The following GPR39 variants were observed in gnomAD, a reference collection of about 807,000 sequenced individuals.
GPR39 encodes G protein-coupled receptor 39.
GPR39 carries 23 observed loss-of-function variants against 18.4 expected under a neutral mutation model. The ratio of observed to expected loss-of-function variants is 1.25; its 90% CI spans 0.90 to 1.77. The LOEUF is 1.77. Among genes scored for constraint, GPR39 ranks in the 40% most tolerant of loss-of-function variants. The pLI is 0.00. For synonymous variants in GPR39, 280 were observed against 257.9 expected (o/e 1.09, Z -0.82); for missense variants, 647 against 602.4 (o/e 1.07, Z -0.78).
At chr2:132,636,625 G>A (rs917615155) in intron 1 of GPR39, among the ~76,000 whole-genome samples, 1 of 152,178 alleles carries the variant, frequency 6.6e-6, no homozygotes, top group Non-Finnish European at 1.5e-5. Flanking sequence ...GTAAATTTGG[G>A]CACCTCCTTC....
At chr2:132,464,593 C>T (rs1680892255) in intron 1 of GPR39, among the ~76,000 whole-genome samples, 2 of 152,196 alleles carry the variant, frequency 1.3e-5, no homozygotes, top group African/African-American at 2.4e-5. Context: ...ACATCTCACT[C>T]ATGCTGCTGC....
intron 1 of GPR39, among the ~76,000 whole-genome samples, chr2:132,611,477 A>G (rs951071023): frequency 6.6e-6 from 1 of 152,256 alleles, no homozygotes; most frequent in African/African-American, 2.4e-5. Flanking sequence ...GCGAGAAATC[A>G]GTAAGCTCCA....
At chr2:132,462,237 T>C (rs1301246258) in intron 1 of GPR39, among the ~76,000 whole-genome samples, 1 of 152,168 alleles carries the variant, frequency 6.6e-6, no homozygotes, top group Non-Finnish European at 1.5e-5. Context: ...AAGGTTGCAC[T>C]CAGGAACAGA....
intron 1 of GPR39, among the ~76,000 whole-genome samples, chr2:132,519,152 C>T (rs1463197749): frequency 6.6e-6 from 1 of 152,230 alleles, no homozygotes; most frequent in African/African-American, 2.4e-5. Context: ...TTTACAGTCT[C>T]TGTGAATTGG....
intron 1 of GPR39, among the ~76,000 whole-genome samples, chr2:132,556,790 A>G (rs531455748): frequency 6.6e-6 from 1 of 152,086 alleles, no homozygotes; most frequent in South Asian, 2.1e-4. Flanking sequence ...ATTAAGCACA[A>G]CCTCATAGAC....
At position 132,555,076 on chromosome 2, in the gene GPR39, C is replaced by T. The variant is rs185637513; in HGVS notation, c.857-90025C>T. Among the ~76,000 whole-genome samples, 61 of 152,098 alleles carry T rather than the reference C, an allele frequency of 4.0e-4. 1 individual carries two copies. The South Asian group carries it at 7.1e-3, about 18-fold the overall frequency. On this transcript the variant is annotated intron_variant, in intron 1 of 1. Coordinates refer to ENST00000329321, the MANE Select transcript of GPR39 (RefSeq NM_001508.3). ...AAGCGATTCTCCTGCCTCAGCCTCC[C>T]GAGTAGCTGGGACTACAGGTGCGTG...
chr2:132,426,495 C>G (rs1164997867), intron 1 of GPR39, among the ~76,000 whole-genome samples: 1 of 152,236 alleles, frequency 6.6e-6, no homozygotes, highest in Admixed American at 6.5e-5. Context: ...AGCTCTGCTG[C>G]TTTCCAGAGT....
Position 132,645,763 on chromosome 2 carries a change from T to C in GPR39, c.*157T>C. ...GCCCACCTCAGTGACTTCTAAGGAC[T>C]GACTCTGCCAGCCTGGCCTTGACTC... On this transcript the variant is annotated 3_prime_UTR_variant, in exon 2 of 2. Coordinates refer to ENST00000329321, the MANE Select transcript of GPR39 (RefSeq NM_001508.3). 9.4e-7 allele frequency: 1 copy of C among 1,065,978 alleles called. No homozygotes were observed. Among genetic ancestry groups the C allele is most frequent in the South Asian group, 1.7e-5 (1 of 59,230 alleles). The allele number at this position is 1,065,978 out of a possible 1,614,324, so 66.0% of individuals were successfully genotyped here. A position where few individuals can be genotyped will look rare whatever the true frequency, so the allele number is the denominator to read the frequency against.
chr2:132,544,084 A>G (rs1276079617), intron 1 of GPR39, among the ~76,000 whole-genome samples: 1 of 152,212 alleles, frequency 6.6e-6, no homozygotes, highest in African/African-American at 2.4e-5. Flanking sequence ...ATTAAGTGAT[A>G]GTGGTCAGCA....
chr2:132,500,910 G>C (rs1573634258), intron 1 of GPR39, among the ~76,000 whole-genome samples: 1 of 151,938 alleles, frequency 6.6e-6, no homozygotes, highest in Non-Finnish European at 1.5e-5. Context: ...TATTTCTGTG[G>C]TATCAGTTGT....
intron 1 of GPR39, among the ~76,000 whole-genome samples, chr2:132,509,027 G>A (rs540116030): frequency 6.6e-6 from 1 of 152,336 alleles, no homozygotes; most frequent in African/African-American, 2.4e-5. Flanking sequence ...AGGCCAGGCT[G>A]TGCTGAAGGG....
chr2:132,636,214 C>T (rs1436588091), intron 1 of GPR39, among the ~76,000 whole-genome samples: 1 of 152,186 alleles, frequency 6.6e-6, no homozygotes, highest in East Asian at 1.9e-4. Context: ...TCCTAGCTCA[C>T]ACCTCATTCT....
intron 1 of GPR39, among the ~76,000 whole-genome samples, chr2:132,461,790 T>G (rs1680837148): frequency 6.6e-6 from 1 of 152,232 alleles, no homozygotes; most frequent in African/African-American, 2.4e-5. Context: ...TCAAGCACCT[T>G]GTGCCCAGGC....
intron 1 of GPR39, among the ~76,000 whole-genome samples, chr2:132,541,932 G>C (rs1162723986): frequency 6.6e-6 from 1 of 152,176 alleles, no homozygotes; most frequent in African/African-American, 2.4e-5. Flanking sequence ...AGCAGGTTTG[G>C]TGTCTGCTGA....
chr2:132,610,024 T>C (rs1429989030), intron 1 of GPR39, among the ~76,000 whole-genome samples: 2 of 152,002 alleles, frequency 1.3e-5, no homozygotes, highest in African/African-American at 2.4e-5. Flanking sequence ...GTTTAGACAT[T>C]CCTTACCTGG....
At chr2:132,534,954 C>T (rs914911946) in intron 1 of GPR39, among the ~76,000 whole-genome samples, 11 of 151,556 alleles carry the variant, frequency 7.3e-5, no homozygotes, top group Middle Eastern at 3.4e-3. Flanking sequence ...CAAACCTGGA[C>T]GTTGTGCACA....
chr2:132,420,299 G>T (rs556312089), intron 1 of GPR39, among the ~76,000 whole-genome samples: 5 of 152,278 alleles, frequency 3.3e-5, no homozygotes, highest in Middle Eastern at 3.4e-3. Context: ...CTCTCCCAAT[G>T]AATTTCAAAG....
At chr2:132,633,338 C>CTGTGTGTGTGTGTG (rs55722602) in intron 1 of GPR39, among the ~76,000 whole-genome samples, 10 of 139,200 alleles carry the variant, frequency 7.2e-5, no homozygotes, top group African/African-American at 2.7e-4. Context: ...CCAAATACCT[C>CTGTGTGTGTGTGTG]TGTGTGTGTG....
chr2:132,504,690 G>C (rs952815306), intron 1 of GPR39, among the ~76,000 whole-genome samples: 6 of 152,068 alleles, frequency 3.9e-5, no homozygotes, highest in Non-Finnish European at 8.8e-5. Context: ...TTTTGTGTTT[G>C]CACATAAAAT....
Sources: gnomAD v4.1 joint callset for allele counts (sites outside exome capture counted in the v4.1 genomes callset) on GRCh38, gnomAD v4.1.1 for gene constraint, MANE v1.5 for transcripts, NCBI Gene and HGNC (gene_info 2026-07-23, HGNC 2026-07-21) for gene names.